VRK2: variants seen among roughly 807,000 people sequenced by gnomAD.
VRK2 encodes the protein serine/threonine-protein kinase VRK2.
VRK2 carries 60 observed loss-of-function variants against 57.6 expected under a neutral mutation model. That is an observed-to-expected ratio of 1.04 (90% CI 0.85 to 1.29). The LOEUF (loss-of-function observed/expected upper bound fraction) is 1.29, where lower values mean the gene tolerates loss of function less well. Among genes scored for constraint, VRK2 ranks in the 50% most tolerant of loss-of-function variants. The probability of loss-of-function intolerance (pLI) is 0.00; values close to 1 mark genes in which losing one functional copy is unlikely to be tolerated. For synonymous variants in VRK2, 231 were observed against 199.2 expected (o/e 1.16, Z -1.35); for missense variants, 705 against 588.1 (o/e 1.20, Z -2.06).
intron 1 of VRK2, among the ~76,000 whole-genome samples, chr2:57,997,336 C>T (rs147464180): frequency 6.6e-5 from 10 of 151,710 alleles, no homozygotes; most frequent in African/African-American, 2.4e-4. Context: ...AGATGCCAAG[C>T]AGAAAAGATG....
At position 57,969,207 on chromosome 2, in the gene VRK2, C is replaced by T. The variant is rs1672016309; in HGVS notation, c.-438-56458C>T. On this transcript the variant is annotated intron_variant, in intron 1 of 15. Coordinates refer to the VRK2 transcript ENST00000417641. ...AAAGAAAAAGAGGGGATCAACATGACAAAGATGAAGATGACAAAGATGGGA... is the reference window on the plus strand; with the variant it reads ...AAAGAAAAAGAGGGGATCAACATGATAAAGATGAAGATGACAAAGATGGGA... Among the ~76,000 whole-genome samples, 4 of 151,724 alleles carry T rather than the reference C, an allele frequency of 2.6e-5. No individual in the cohort carries two copies. In the South Asian group the frequency reaches 8.3e-4, roughly 31 times the overall value.
intron 7 of VRK2, among the ~76,000 whole-genome samples, chr2:58,114,370 T>C (rs1356945020): frequency 6.6e-6 from 1 of 151,994 alleles, no homozygotes; most frequent in Admixed American, 6.5e-5. Flanking sequence ...AGGGCATGTA[T>C]GAGTAGTTGA....
At chr2:58,125,639 A>G (rs1678225423) in intron 8 of VRK2, among the ~76,000 whole-genome samples, 1 of 152,100 alleles carries the variant, frequency 6.6e-6, no homozygotes, top group African/African-American at 2.4e-5. Context: ...ATAAAATAGT[A>G]GATTTCCTTA....
chr2:57,966,493 G>A (rs1417083192), intron 1 of VRK2, among the ~76,000 whole-genome samples: 1 of 152,266 alleles, frequency 6.6e-6, no homozygotes, highest in East Asian at 1.9e-4. Flanking sequence ...CTTAGCATAT[G>A]TCCAGTTCCA....
intron 7 of VRK2, among the ~76,000 whole-genome samples, chr2:58,121,846 G>A (rs1287400268): frequency 6.6e-6 from 1 of 152,070 alleles, no homozygotes. Context: ...CTGGGGAGGG[G>A]GAATGGTAAC....
upstream of VRK2, among the ~76,000 whole-genome samples, chr2:58,043,925 T>TA (rs1674568293): frequency 6.6e-6 from 1 of 152,244 alleles, no homozygotes; most frequent in Non-Finnish European, 1.5e-5. Flanking sequence ...TTGATGAAGT[T>TA]AAATTGTCAA....
intron 1 of VRK2, among the ~76,000 whole-genome samples, chr2:57,921,750 C>T (rs1479133347): frequency 6.6e-6 from 1 of 152,066 alleles, no homozygotes; most frequent in African/African-American, 2.4e-5. Flanking sequence ...TCTAAAACAA[C>T]AGAATTAGCC....
At chr2:57,911,323 T>C (rs768380512) in intron 1 of VRK2, among the ~76,000 whole-genome samples, 37 of 152,184 alleles carry the variant, frequency 2.4e-4, no homozygotes, top group Admixed American at 1.2e-3. Context: ...AAATAAGAGT[T>C]AAGTTCCATG....
chr2:58,082,600 T>C (rs1405982083), intron 2 of VRK2, among the ~76,000 whole-genome samples: 1 of 150,932 alleles, frequency 6.6e-6, no homozygotes, highest in Non-Finnish European at 1.5e-5. Flanking sequence ...GACTGGACTC[T>C]GTCCCCTGTG....
intron 1 of VRK2, among the ~76,000 whole-genome samples, chr2:57,994,717 T>G (rs1327089956): frequency 6.6e-6 from 1 of 152,038 alleles, no homozygotes; most frequent in Non-Finnish European, 1.5e-5. Context: ...ATGGATTATA[T>G]CTTTCAATAT....
chr2:57,934,610 T>C (rs985249515), intron 1 of VRK2, among the ~76,000 whole-genome samples: 10 of 152,324 alleles, frequency 6.6e-5, no homozygotes, highest in Admixed American at 1.3e-4. Context: ...TGTTCATATG[T>C]TCCCCCCGAT....
At chr2:58,121,161 G>T (rs1264637516) in intron 7 of VRK2, among the ~76,000 whole-genome samples, 3 of 152,146 alleles carry the variant, frequency 2.0e-5, no homozygotes, top group Non-Finnish European at 2.9e-5. Context: ...GAGATAAGGG[G>T]ACTTACAGCA....
rs145144904 is a variant in VRK2, at chr2:58,131,834, A to G, written c.703A>G (p.Ile235Val). ...CTTGTCCAGACGAAGTGACGTTGAG[A>G]TCCTCGGCTACTGCATGCTGCGGTG... ...VALSRRSDVE[I>V]LGYCMLRWLC... The change falls in exon 9 of 13, where the codon ATC becomes GTC. Residue 235 changes from isoleucine (I) to valine (V), a missense_variant. Ile to Val is a conservative substitution (Grantham distance 29). Coordinates refer to ENST00000340157, the MANE Select transcript of VRK2 (RefSeq NM_006296.7). The G allele has an allele frequency of 1.9e-6, 3 of 1,613,502 alleles. No homozygotes were observed. The African/African-American group carries it at 4.0e-5, about 22-fold the overall frequency.
At chr2:57,926,997 CTTGTGTGTGTGTGTGTGT>C (rs1273432030) in intron 1 of VRK2, among the ~76,000 whole-genome samples, 2 of 130,240 alleles carry the variant, frequency 1.5e-5, no homozygotes, top group African/African-American at 5.4e-5. Flanking sequence ...GTTTTAATTT[CTTGTGTGTGTGTGTGTGT>C]GTGTGTGTGT....
intron 7 of VRK2, among the ~76,000 whole-genome samples, chr2:58,091,062 A>C (rs1672306411): frequency 6.6e-6 from 1 of 152,176 alleles, no homozygotes. Context: ...TAGAAGGGAG[A>C]GGAAGGATGA....
At chr2:58,140,385 A>G (rs1681157763) in intron 11 of VRK2, among the ~76,000 whole-genome samples, 1 of 152,060 alleles carries the variant, frequency 6.6e-6, no homozygotes, top group South Asian at 2.1e-4. Context: ...ACTTAAAAAA[A>G]AAATTAAGAT....
At chr2:57,970,283 C>A (rs900734527) in intron 1 of VRK2, among the ~76,000 whole-genome samples, 5 of 150,350 alleles carry the variant, frequency 3.3e-5, no homozygotes, top group Non-Finnish European at 7.4e-5. Flanking sequence ...ATGTTTTCCC[C>A]AAGTCAGAAT....
chr2:58,159,622 G>T lies in VRK2; in HGVS notation c.1456G>T (p.Asp486Tyr), dbSNP rs1265983706. The T allele has an allele frequency of 1.2e-6, 2 of 1,613,646 alleles. No homozygotes were observed. Among genetic ancestry groups the T allele is most frequent in the South Asian group, 1.1e-5 (1 of 91,066 alleles). Residue 486 changes from aspartate to tyrosine, a missense_variant, in exon 13 of 13, where the codon GAT becomes TAT. By Grantham distance (160) the Asp-to-Tyr change is radical. Coordinates refer to ENST00000340157, the MANE Select transcript of VRK2 (RefSeq NM_006296.7). ...TACTCTTAGTGAAGAGACAAACGCA[G>T]ATGTTTATTATTATCGCATCATCAT... ...QFTLSEETNA[D>Y]VYYYRIIIPV...
chr2:58,097,690 G>C (rs1365356573), intron 7 of VRK2, among the ~76,000 whole-genome samples: 2 of 152,134 alleles, frequency 1.3e-5, no homozygotes, highest in Non-Finnish European at 2.9e-5. Context: ...CACAGCCATA[G>C]TAATGCCATA....
Sources: gnomAD v4.1 joint callset for allele counts (sites outside exome capture counted in the v4.1 genomes callset) on GRCh38, gnomAD v4.1.1 for gene constraint, MANE v1.5 for transcripts, NCBI Gene and HGNC (gene_info 2026-07-23, HGNC 2026-07-21) for gene names.